Variants in HTR1E observed in about 807,000 individuals in gnomAD.
The protein encoded by HTR1E is 5-hydroxytryptamine receptor 1E.
In HTR1E, 3 loss-of-function variants were observed where a neutral mutation model predicts 3.4. The observed-to-expected ratio is 0.89, with a 90% CI of 0.41 to 2.31. The LOEUF (loss-of-function observed/expected upper bound fraction) is 2.31. Ranked by LOEUF, HTR1E falls within the 30% of genes most tolerant of loss-of-function variation. The probability of loss-of-function intolerance (pLI) is 0.05; values close to 1 mark genes in which losing one functional copy is unlikely to be tolerated. For synonymous variants in HTR1E, 170 were observed against 182.8 expected, an observed-to-expected ratio of 0.93 and a Z score of 0.56; for missense variants, 392 against 467.0, an observed-to-expected ratio of 0.84 and a Z score of 1.48.
chr6:86,985,778 T>G (rs143096870), intron 1 of HTR1E, among the ~76,000 whole-genome samples: 2 of 152,316 alleles, frequency 1.3e-5, no homozygotes, highest in Admixed American at 1.3e-4. Context: ...ATTACCAGTA[T>G]CTACCCAGGT....
In HTR1E at chr6:87,016,445, T is replaced by C; in HGVS notation, c.*13T>C. On this transcript the variant is annotated 3_prime_UTR_variant, in exon 2 of 2. Coordinates refer to ENST00000305344, the MANE Select transcript of HTR1E (RefSeq NM_000865.3). ...AGAGCATACTTAGACTGTAAAAAGC[T>C]AAAAGGCACGACTTTTTCCAGAGCC... 1 of 1,565,438 alleles carries C rather than the reference T, an allele frequency of 6.4e-7. No homozygotes were observed.
chr6:86,984,267 T>C lies in HTR1E; in HGVS notation c.-185-30883T>C, dbSNP rs117480735. On this transcript the variant is annotated intron_variant, in intron 1 of 1. Transcript: ENST00000305344. ...TTATATTTTACCTGTGTGTAAAATATAATACTGTCTTCTTGGGCGAAAGGT... is the reference window on the plus strand; with the variant it reads ...TTATATTTTACCTGTGTGTAAAATACAATACTGTCTTCTTGGGCGAAAGGT... 2.2e-3 allele frequency among the ~76,000 whole-genome samples: 332 copies of C among 152,354 alleles called. 1 individual carries two copies. Among genetic ancestry groups the C allele is most frequent in the Non-Finnish European group, 4.3e-3 (290 of 68,034 alleles).
intron 1 of HTR1E, among the ~76,000 whole-genome samples, chr6:87,004,150 T>A (rs529561432): frequency 3.0e-4 from 45 of 152,310 alleles, no homozygotes; most frequent in African/African-American, 1.0e-3. Context: ...CAGGATGTGA[T>A]GACTTCACTG....
At chr6:86,939,972 A>G (rs1172605336) in intron 1 of HTR1E, among the ~76,000 whole-genome samples, 1 of 152,226 alleles carries the variant, frequency 6.6e-6, no homozygotes, top group South Asian at 2.1e-4. Flanking sequence ...AATCATGTAA[A>G]TAAGTTTCCA....
intron 1 of HTR1E, among the ~76,000 whole-genome samples, chr6:86,952,230 T>A (rs1225698700): frequency 1.3e-5 from 2 of 152,142 alleles, no homozygotes; most frequent in African/African-American, 4.8e-5. Flanking sequence ...CATAGCTCCT[T>A]AGTTTCAATT....
At chr6:87,010,391 G>A (rs1205826437) in intron 1 of HTR1E, among the ~76,000 whole-genome samples, 6 of 141,868 alleles carry the variant, frequency 4.2e-5, no homozygotes, top group Non-Finnish European at 4.6e-5. Flanking sequence ...CCTCCCGGAC[G>A]GGGTGGCTGG....
At chr6:87,007,133 G>A (rs1432645979) in intron 1 of HTR1E, among the ~76,000 whole-genome samples, 1 of 152,118 alleles carries the variant, frequency 6.6e-6, no homozygotes, top group African/African-American at 2.4e-5. Flanking sequence ...ATCAAGTACT[G>A]TTCAACCATA....
chr6:86,957,253 T>C (rs1354921759), intron 1 of HTR1E, among the ~76,000 whole-genome samples: 1 of 152,228 alleles, frequency 6.6e-6, no homozygotes, highest in Non-Finnish European at 1.5e-5. Context: ...GCAGTCAACA[T>C]TGTTCAAGGC....
chr6:87,016,139 G>A lies in HTR1E; in HGVS notation c.805G>A (p.Asp269Asn), dbSNP rs377733971. 1.9e-5 allele frequency: 31 copies of A among 1,613,932 alleles called. No individual in the cohort carries two copies. Among genetic ancestry groups the A allele is most frequent in the African/African-American group, 6.7e-5 (5 of 74,874 alleles). The change falls in exon 2 of 2, where the codon GAC becomes AAC. Residue 269 changes from aspartate (D) to asparagine (N), a missense_variant. By Grantham distance (23) the Asp-to-Asn change is conservative. Transcript: ENST00000305344. Reference protein sequence around the residue: ...FHASIRIPPFDNDLDHPGERQ... With the variant: ...FHASIRIPPFNNDLDHPGERQ... Reference sequence around the variant, plus strand: ...TGCCTCCATCAGGATCCCCCCCTTCGACAATGATCTAGATCACCCAGGAGA... The same window carrying A: ...TGCCTCCATCAGGATCCCCCCCTTCAACAATGATCTAGATCACCCAGGAGA...
At position 86,995,111 on chromosome 6, in the gene HTR1E, G is replaced by T. The variant is rs529786616; in HGVS notation, c.-185-20039G>T. On this transcript the variant is annotated intron_variant, in intron 1 of 1. Coordinates refer to ENST00000305344, the MANE Select transcript of HTR1E (RefSeq NM_000865.3). Reference sequence around the variant, plus strand: ...CAAATGAAAACCAAAAAATAAAATGGCATACTTAAGGATTAACATATCAAT... The same window carrying T: ...CAAATGAAAACCAAAAAATAAAATGTCATACTTAAGGATTAACATATCAAT... Among the ~76,000 whole-genome samples, 3 of 151,676 alleles carry T rather than the reference G, an allele frequency of 2.0e-5. No homozygotes were observed. In the East Asian group the frequency reaches 5.8e-4, roughly 29 times the overall value.
rs1011468868 is a variant in HTR1E, at chr6:87,013,698, A to G, written c.-185-1452A>G. ...AAAGCCTTTTTATATATAAACATGTATAAAAGAATAAATATAAATAAGAAA... is the reference window on the plus strand; with the variant it reads ...AAAGCCTTTTTATATATAAACATGTGTAAAAGAATAAATATAAATAAGAAA... On this transcript the variant is annotated intron_variant, in intron 1 of 1. Coordinates refer to ENST00000305344, the MANE Select transcript of HTR1E (RefSeq NM_000865.3). Among the ~76,000 whole-genome samples, 3 of 152,212 alleles carry G rather than the reference A, an allele frequency of 2.0e-5. No individual in the cohort carries two copies. In the South Asian group the frequency reaches 6.2e-4, roughly 32 times the overall value.
intron 1 of HTR1E, among the ~76,000 whole-genome samples, chr6:86,959,733 T>C (rs1767380122): frequency 6.6e-6 from 1 of 152,184 alleles, no homozygotes; most frequent in African/African-American, 2.4e-5. Context: ...GGGGCAAGTT[T>C]TGTGTAACAT....
Position 87,015,913 on chromosome 6 carries a change from C to T in HTR1E, c.579C>T (p.Ile193=), listed in dbSNP as rs753830899. 1 of 1,613,332 alleles carries T rather than the reference C, an allele frequency of 6.2e-7. No homozygotes were observed. Among genetic ancestry groups the T allele is most frequent in the East Asian group, 2.2e-5 (1 of 44,894 alleles). The change falls in exon 2 of 2, where the codon ATC becomes ATT. Residue 193 remains isoleucine, a synonymous_variant. Coordinates refer to ENST00000305344, the MANE Select transcript of HTR1E (RefSeq NM_000865.3). The part of the protein sequence containing the change: ...TIYSTLGAFY[I]PLTLILILYY... ...ACTCCACGCTGGGTGCGTTTTATAT[C>T]CCCTTGACTTTGATACTGATTCTCT...
At chr6:87,005,846 G>C (rs899788535) in intron 1 of HTR1E, among the ~76,000 whole-genome samples, 1 of 152,018 alleles carries the variant, frequency 6.6e-6, no homozygotes. Context: ...TCTGACAATA[G>C]AATAATAACC....
chr6:86,995,665 CAAAAAAAAAAAAAAAAAAAAAAGAAAA>C (rs1299789551), intron 1 of HTR1E, among the ~76,000 whole-genome samples: 3 of 36,688 alleles, frequency 8.2e-5, no homozygotes, highest in Non-Finnish European at 1.6e-4. Flanking sequence ...GACTCCATCT[CAAAAAAAAAAAAAAAAAAAAAAGAAAA>C]AAAAAAAAAA....
intron 1 of HTR1E, among the ~76,000 whole-genome samples, chr6:86,943,001 G>A (rs915831288): frequency 7.9e-5 from 12 of 152,150 alleles, no homozygotes; most frequent in South Asian, 2.1e-4. Flanking sequence ...ATGTCCAGCC[G>A]GGTCCCATTG....
At chr6:86,958,112 G>A (rs958038927) in intron 1 of HTR1E, among the ~76,000 whole-genome samples, 5 of 147,500 alleles carry the variant, frequency 3.4e-5, no homozygotes, top group African/African-American at 1.3e-4. Context: ...AGGCTGGAGT[G>A]CAATGGTGCG....
chr6:86,966,558 T>C (rs550371718), intron 1 of HTR1E, among the ~76,000 whole-genome samples: 2 of 152,294 alleles, frequency 1.3e-5, no homozygotes, highest in East Asian at 3.9e-4. Context: ...CAATATGAGA[T>C]TGAATCTCCT....
chr6:87,013,010 A>G (rs1269976834), intron 1 of HTR1E, among the ~76,000 whole-genome samples: 1 of 152,206 alleles, frequency 6.6e-6, no homozygotes, highest in Non-Finnish European at 1.5e-5. Context: ...CAGTTTTCTA[A>G]TGGAGGAACC....
Sources: allele counts gnomAD v4.1 joint callset (sites outside exome capture counted in the v4.1 genomes callset), GRCh38; gene constraint gnomAD v4.1.1; transcripts MANE v1.5; gene names NCBI Gene and HGNC (gene_info 2026-07-23, HGNC 2026-07-21).